Variants in AUTS2 observed in about 807,000 individuals in gnomAD.
AUTS2 encodes the protein activator of transcription and developmental regulator AUTS2.
In AUTS2, 17 loss-of-function variants were observed where a neutral mutation model predicts 112.4. The ratio of observed to expected loss-of-function variants is 0.15; its 90% CI spans 0.10 to 0.23. The LOEUF is 0.23. AUTS2 is among the 10% of genes least tolerant of loss of function. The pLI is 1.00. For synonymous variants in AUTS2, 751 were observed against 702.7 expected (o/e 1.07, Z -1.09); for missense variants, 1,510 against 1,701.6 (o/e 0.89, Z 1.98).
intron 5 of AUTS2, among the ~76,000 whole-genome samples, chr7:70,553,219 C>T (rs1465199885): frequency 1.3e-5 from 2 of 152,238 alleles, no homozygotes; most frequent in Admixed American, 1.3e-4. Context: ...CTGTTCTGGT[C>T]ATTCAGCCTT....
intron 2 of AUTS2, among the ~76,000 whole-genome samples, chr7:69,992,340 A>G (rs1268172730): frequency 1.3e-5 from 2 of 152,238 alleles, no homozygotes; most frequent in Non-Finnish European, 1.5e-5. Context: ...AAAGATAAGC[A>G]TATCCTTCTA....
At chr7:70,221,615 G>A (rs541798453) in intron 4 of AUTS2, among the ~76,000 whole-genome samples, 4 of 152,216 alleles carry the variant, frequency 2.6e-5, no homozygotes, top group South Asian at 4.1e-4. Context: ...CCTATCATTC[G>A]GTGACTCACG....
At chr7:69,760,786 C>T (rs1489487727) in intron 1 of AUTS2, among the ~76,000 whole-genome samples, 2 of 152,152 alleles carry the variant, frequency 1.3e-5, no homozygotes, top group Non-Finnish European at 2.9e-5. Flanking sequence ...TGCCACTGCA[C>T]TCCAGCCTGG....
chr7:70,416,506 C>T (rs1200362803), intron 4 of AUTS2, among the ~76,000 whole-genome samples: 1 of 152,208 alleles, frequency 6.6e-6, no homozygotes, highest in Non-Finnish European at 1.5e-5. Context: ...TGGCTTGTGG[C>T]ACCTGGCCAC....
intron 6 of AUTS2, among the ~76,000 whole-genome samples, chr7:70,760,946 A>G (rs1789530774): frequency 6.6e-6 from 1 of 152,132 alleles, no homozygotes; most frequent in African/African-American, 2.4e-5. Flanking sequence ...TTATTGTTCC[A>G]GGCTGTTTGG....
chr7:70,429,568 T>G (rs1056084875), intron 4 of AUTS2, among the ~76,000 whole-genome samples: 1 of 152,122 alleles, frequency 6.6e-6, no homozygotes, highest in Non-Finnish European at 1.5e-5. Context: ...TATGTTAGGA[T>G]AGTGCCACAC....
At chr7:70,000,854 C>T (rs184168021) in intron 2 of AUTS2, among the ~76,000 whole-genome samples, 3 of 151,638 alleles carry the variant, frequency 2.0e-5, no homozygotes, top group South Asian at 2.1e-4. Context: ...TTCTTTTGCC[C>T]GCCTCCTTTA....
chr7:70,561,837 A>G (rs1261219411), intron 5 of AUTS2, among the ~76,000 whole-genome samples: 1 of 152,076 alleles, frequency 6.6e-6, no homozygotes, highest in Non-Finnish European at 1.5e-5. Context: ...GAACTAGGTC[A>G]CGTGTTGATA....
chr7:70,678,204 C>CT (rs984346116), intron 5 of AUTS2, among the ~76,000 whole-genome samples: 4 of 151,986 alleles, frequency 2.6e-5, no homozygotes, highest in Non-Finnish European at 4.4e-5. Context: ...TTTTGTTCTT[C>CT]TTTTTTTTGT....
At chr7:70,023,280 A>T (rs1800365203) in intron 2 of AUTS2, among the ~76,000 whole-genome samples, 1 of 152,212 alleles carries the variant, frequency 6.6e-6, no homozygotes, top group African/African-American at 2.4e-5. Context: ...ATCATTAACA[A>T]CTTTCTTTAG....
chr7:70,237,439 A>G (rs1054484288), intron 4 of AUTS2, among the ~76,000 whole-genome samples: 1 of 152,186 alleles, frequency 6.6e-6, no homozygotes, highest in Non-Finnish European at 1.5e-5. Context: ...AGAAACTGAC[A>G]CTATTAACCA....
chr7:70,499,248 G>A (rs571058696), intron 5 of AUTS2, among the ~76,000 whole-genome samples: 7 of 152,332 alleles, frequency 4.6e-5, no homozygotes, highest in Non-Finnish European at 7.3e-5. Flanking sequence ...GCCTGCTGAA[G>A]GGAAAGGAGA....
At chr7:70,117,586 T>C (rs1394358112) in intron 2 of AUTS2, among the ~76,000 whole-genome samples, 43 of 152,112 alleles carry the variant, frequency 2.8e-4, no homozygotes. Flanking sequence ...AGGTTTGGCT[T>C]TTTAGGTGTT....
chr7:70,450,448 G>T (rs1796484518), intron 5 of AUTS2, among the ~76,000 whole-genome samples: 1 of 152,124 alleles, frequency 6.6e-6, no homozygotes, highest in African/African-American at 2.4e-5. Context: ...CAGGCAAAGG[G>T]GATATCATTT....
intron 5 of AUTS2, among the ~76,000 whole-genome samples, chr7:70,535,543 T>C (rs1800282394): frequency 1.3e-5 from 2 of 152,108 alleles, no homozygotes; most frequent in Admixed American, 1.3e-4. Context: ...GCCTCCTGAG[T>C]AGCTGGAATT....
intron 4 of AUTS2, among the ~76,000 whole-genome samples, chr7:70,365,226 G>T (rs1369018092): frequency 1.3e-5 from 2 of 152,130 alleles, no homozygotes; most frequent in African/African-American, 4.8e-5. Context: ...CAGAAGAGAG[G>T]GTCAGTTCCA....
intron 5 of AUTS2, among the ~76,000 whole-genome samples, chr7:70,582,554 C>T (rs1802501275): frequency 6.6e-6 from 1 of 152,168 alleles, no homozygotes; most frequent in South Asian, 2.1e-4. Flanking sequence ...AGGTATTTTC[C>T]CCTCTGGGGA....
At chr7:70,169,559 A>G (rs1205119303) in intron 4 of AUTS2, among the ~76,000 whole-genome samples, 3 of 152,168 alleles carry the variant, frequency 2.0e-5, no homozygotes, top group Non-Finnish European at 2.9e-5. Flanking sequence ...CTTAAAAACA[A>G]TTGTGACCAT....
chr7:69,623,101 C>T (rs1793751484), intron 1 of AUTS2, among the ~76,000 whole-genome samples: 1 of 152,134 alleles, frequency 6.6e-6, no homozygotes, highest in Non-Finnish European at 1.5e-5. Context: ...GTTTCTAAAC[C>T]GAGTTGCATA....
Sources: gnomAD v4.1 joint callset for allele counts (sites outside exome capture counted in the v4.1 genomes callset) on GRCh38, gnomAD v4.1.1 for gene constraint, MANE v1.5 for transcripts, NCBI Gene and HGNC (gene_info 2026-07-23, HGNC 2026-07-21) for gene names.